Variants in WDR18 observed in about 807,000 individuals in gnomAD.
The protein encoded by WDR18 is WD repeat-containing protein 18.
WDR18 carries 33 observed loss-of-function variants against 49.6 expected under a neutral mutation model. The ratio of observed to expected loss-of-function variants is 0.67; its 90% CI spans 0.50 to 0.89. The LOEUF (loss-of-function observed/expected upper bound fraction) is 0.89, where lower values mean the gene tolerates loss of function less well. Ranked by LOEUF, WDR18 falls within the 40% of genes least tolerant of loss-of-function variation. WDR18 has a pLI of 0.00. For missense variants in WDR18, 653 were observed against 593.6 expected, an observed-to-expected ratio of 1.10 and a Z score of -1.04; for synonymous variants, 315 against 263.6, an observed-to-expected ratio of 1.19 and a Z score of -1.89.
In WDR18 at chr19:994,444, T is replaced by A; in HGVS notation, c.*100T>A. ...CCCCCACCAGCCCAGGCCTGGACTC[T>A]CCTCAGTTCTGTGTCGTGTTCGGGT... On this transcript the variant is annotated 3_prime_UTR_variant, in exon 10 of 10. Coordinates refer to ENST00000585809, the MANE Select transcript of WDR18 (RefSeq NM_024100.4). The A allele has an allele frequency of 6.8e-7, 1 of 1,468,038 alleles. No individual in the cohort carries two copies. The highest frequency in any genetic ancestry group is 9.1e-7 in the Non-Finnish European group (1 of 1,101,390). The allele number at this position is 1,468,038 out of a possible 1,614,324, so 90.9% of individuals were successfully genotyped here.
Position 989,764 on chromosome 19 carries a change from C to G in WDR18, c.324C>G (p.Val108=). The G allele has an allele frequency of 6.2e-7, 1 of 1,612,698 alleles. No individual in the cohort carries two copies. The highest frequency in any genetic ancestry group is 1.7e-5 in the Admixed American group (1 of 60,010). Residue 108 remains valine, a splice_region_variant and synonymous_variant, in exon 3 of 10, where the codon GTC becomes GTG. Transcript: ENST00000585809. Reference sequence around the variant, plus strand: ...TGGATACCCTCTGCCCCTCACAGGTCTCCACCGGGAACCTTCTGGTCATCC... The same window carrying G: ...TGGATACCCTCTGCCCCTCACAGGTGTCCACCGGGAACCTTCTGGTCATCC... The part of the protein sequence containing the change: ...GVAESIHLWE[V]STGNLLVILS...
At chr19:984,323 G>A (rs1459499648), upstream of WDR18, 1 of 1,553,594 alleles carries the variant, frequency 6.4e-7, no homozygotes, top group Non-Finnish European at 8.7e-7. Flanking sequence ...CGCTCATGAT[G>A]ACGCACGTCC....
chr19:993,966 C>CG, intron 8 of WDR18, 54 bp from the exon 9 acceptor site: 1 of 1,538,130 alleles, frequency 6.5e-7, no homozygotes, highest in Non-Finnish European at 8.8e-7. Flanking sequence ...ATGGGCAAAG[C>CG]GTGTGGTGTG....
intron 2 of WDR18, among the ~76,000 whole-genome samples, chr19:987,142 A>C (rs1417048274): frequency 6.6e-6 from 1 of 152,246 alleles, no homozygotes; most frequent in African/African-American, 2.4e-5. Flanking sequence ...CAGGAGTTCA[A>C]GACTAGCCTG....
Position 990,980 on chromosome 19 carries a change from C to A in WDR18, c.726C>A (p.Val242=). ...GCAGTGAGGGCTCCATCTTCCAGGT[C>A]GACCTCTTCACCTGGGTGAGTGCCG... ...CGGSEGSIFQ[V]DLFTWPGQRE... is the part of the protein sequence containing the mutation. Residue 242 remains valine, a synonymous_variant, in exon 5 of 10, where the codon GTC becomes GTA. Transcript: ENST00000585809. 6.2e-7 allele frequency: 1 copy of A among 1,609,384 alleles called. No homozygotes were observed. Among genetic ancestry groups the A allele is most frequent in the South Asian group, 1.1e-5 (1 of 90,500 alleles).
At position 992,125 on chromosome 19, in the gene WDR18, C is replaced by T. The variant is rs764951504; in HGVS notation, c.1098+4C>T. 6.8e-6 allele frequency: 10 copies of T among 1,460,250 alleles called. No homozygotes were observed. Among genetic ancestry groups the T allele is most frequent in the Admixed American group, 2.4e-5 (1 of 42,330 alleles). The allele number at this position is 1,460,250 out of a possible 1,614,324, so 90.5% of individuals were successfully genotyped here. A position where few individuals can be genotyped will look rare whatever the true frequency, so the allele number is the denominator to read the frequency against. On this transcript the variant is annotated splice_donor_region_variant and intron_variant, in intron 8 of 9. Coordinates refer to ENST00000585809, the MANE Select transcript of WDR18 (RefSeq NM_024100.4). ...GCGCCTGGGCCTCCACCAGCAGGTA[C>T]GGCCCCCAGCAGGGAACCCCCACTG... is the stretch of plus-strand genomic sequence containing the variant.
chr19:984,164 G>T, upstream of WDR18: 1 of 612,620 alleles, frequency 1.6e-6, no homozygotes. Context: ...CTCTAAGCAG[G>T]CCGCGCGACC....
upstream of WDR18, among the ~76,000 whole-genome samples, chr19:983,097 T>A (rs2038435126): frequency 6.6e-6 from 1 of 152,184 alleles, no homozygotes; most frequent in Admixed American, 6.5e-5. Flanking sequence ...AAATGAATGC[T>A]CCCTTTTTAT....
chr19:991,392 G>A lies in WDR18; in HGVS notation c.931+41G>A, dbSNP rs757253842. The stretch of plus-strand genomic sequence containing the variant: ...CTCGGCCCGCGGCCAGCGCGCAGGG[G>A]AAAAAGCCAGCAGGAGCTCCGGGCT... On this transcript the variant is annotated intron_variant, in intron 7 of 9. Transcript: ENST00000585809. 14 of 1,280,262 alleles carry A rather than the reference G, an allele frequency of 1.1e-5. No homozygotes were observed. The East Asian group carries it at 2.5e-4, about 23-fold the overall frequency. The allele number at this position is 1,280,262 out of a possible 1,614,324, so 79.3% of individuals were successfully genotyped here.
At chr19:988,032 G>A (rs953406887) in intron 2 of WDR18, among the ~76,000 whole-genome samples, 1 of 151,778 alleles carries the variant, frequency 6.6e-6, no homozygotes, top group Non-Finnish European at 1.5e-5. Flanking sequence ...GTTTTGCCAG[G>A]TTGGCCAGGC....
In WDR18 at chr19:994,369, G is replaced by C. The variant is rs765319602; in HGVS notation, c.*25G>C. On this transcript the variant is annotated 3_prime_UTR_variant, in exon 10 of 10. Coordinates refer to ENST00000585809, the MANE Select transcript of WDR18 (RefSeq NM_024100.4). The stretch of plus-strand genomic sequence containing the variant: ...AGGCCCGGAGACCCCGGCCCGAGGC[G>C]CCCAGGCCTGAGCCCCATGCCTCCC... The C allele has an allele frequency of 6.3e-7, 1 of 1,589,738 alleles. No individual in the cohort carries two copies. The highest frequency in any genetic ancestry group is 1.1e-5 in the South Asian group (1 of 88,580).
Position 992,072 on chromosome 19 carries a change from A to T in WDR18, c.1049A>T (p.Asp350Val). The change falls in exon 8 of 10, where the codon GAC becomes GTC. Residue 350 changes from aspartate to valine, a missense_variant. Asp to Val is a radical substitution (Grantham distance 152). Coordinates refer to ENST00000585809, the MANE Select transcript of WDR18 (RefSeq NM_024100.4). ...NKHLLGAEHG[D>V]EPRHGGLTLR... ...CACCTGCTGGGCGCCGAGCACGGGG[A>T]CGAGCCGCGCCACGGGGGCCTCACT... The T allele has an allele frequency of 6.4e-7, 1 of 1,560,934 alleles. No individual in the cohort carries two copies. The highest frequency in any genetic ancestry group is 8.6e-7 in the Non-Finnish European group (1 of 1,158,828).
chr19:989,803 C>T lies in WDR18; in HGVS notation c.363C>T (p.Tyr121=), dbSNP rs1398988734. 1 of 1,612,776 alleles carries T rather than the reference C, an allele frequency of 6.2e-7. No homozygotes were observed. The highest frequency in any genetic ancestry group is 2.2e-5 in the East Asian group (1 of 44,892). The change falls in exon 3 of 10, where the codon TAC becomes TAT. Residue 121 remains tyrosine (Y), a synonymous_variant. Transcript: ENST00000585809. ...TTCTGGTCATCCTGAGTCGACACTA[C>T]CAGGACGTCTCCTGCCTTCAGTTCA... ...GNLLVILSRH[Y]QDVSCLQFTG...
intron 4 of WDR18, 158 bp from the exon 5 acceptor site, chr19:990,694 C>G (rs1259637724): frequency 1.2e-5 from 14 of 1,146,508 alleles, no homozygotes; most frequent in Non-Finnish European, 1.5e-5. Context: ...GCCATGTCCC[C>G]TGGCCCCCAA....
upstream of WDR18, among the ~76,000 whole-genome samples, chr19:983,426 G>A (rs564300688): frequency 6.6e-6 from 1 of 152,102 alleles, no homozygotes; most frequent in South Asian, 2.1e-4. Context: ...CACCACGCCC[G>A]GCTTTTTGTA....
chr19:989,619 G>A (rs2038517912), intron 2 of WDR18, 143 bp from the exon 3 acceptor site: 1 of 1,246,314 alleles, frequency 8.0e-7, no homozygotes, highest in Admixed American at 2.4e-5. Context: ...CCCTGACAGG[G>A]TCACCCCGCA....
intron 8 of WDR18, among the ~76,000 whole-genome samples, chr19:992,765 T>C (rs926874630): frequency 2.6e-5 from 4 of 152,166 alleles, no homozygotes; most frequent in African/African-American, 4.8e-5. Context: ...GGGGGTTCCT[T>C]GGGCCTGGGG....
At chr19:988,875 A>G (rs747355349) in intron 2 of WDR18, among the ~76,000 whole-genome samples, 8 of 152,044 alleles carry the variant, frequency 5.3e-5, no homozygotes, top group Admixed American at 3.9e-4. Context: ...GAACCACCTC[A>G]TCTTAACTTA....
rs1345289221 is a variant in WDR18, at chr19:989,838, G to A, written c.398G>A (p.Ser133Asn). 1 of 1,612,566 alleles carries A rather than the reference G, an allele frequency of 6.2e-7. No individual in the cohort carries two copies. Among genetic ancestry groups the A allele is most frequent in the South Asian group, 1.1e-5 (1 of 91,068 alleles). The change falls in exon 3 of 10, where the codon AGC becomes AAC. Residue 133 changes from serine (S) to asparagine (N), a missense_variant. Coordinates refer to ENST00000585809, the MANE Select transcript of WDR18 (RefSeq NM_024100.4). ...DVSCLQFTGD[S>N]SHFISGGKDC... ...TCCTGCCTTCAGTTCACAGGGGACA[G>A]CAGCCACTTCATCTCAGGGGGCAAG...
Sources: gnomAD v4.1 joint callset for allele counts (sites outside exome capture counted in the v4.1 genomes callset) on GRCh38, gnomAD v4.1.1 for gene constraint, MANE v1.5 for transcripts, NCBI Gene and HGNC (gene_info 2026-07-23, HGNC 2026-07-21) for gene names.